The following SSTR3 variants were observed in gnomAD, a reference collection of about 807,000 sequenced individuals.
SSTR3 encodes somatostatin receptor type 3.
For synonymous variants in SSTR3, 281 were observed against 269.2 expected, an observed-to-expected ratio of 1.04 and a Z score of -0.43; for missense variants, 504 against 604.7, an observed-to-expected ratio of 0.83 and a Z score of 1.75.
chr22:37,213,831 C>G (rs146500691), upstream of SSTR3, among the ~76,000 whole-genome samples: 40 of 152,342 alleles, frequency 2.6e-4, no homozygotes, highest in Middle Eastern at 3.4e-3. Context: ...GCCGCCTGCG[C>G]GGGCCTCCTC....
At chr22:37,209,367 C>T (rs569937229) in intron 1 of SSTR3, among the ~76,000 whole-genome samples, 1 of 152,328 alleles carries the variant, frequency 6.6e-6, no homozygotes, top group African/African-American at 2.4e-5. Flanking sequence ...CGTGGCTTCT[C>T]CAGCTGGCTG....
chr22:37,213,437 C>A (rs75923615), upstream of SSTR3, among the ~76,000 whole-genome samples: 15,650 of 152,320 alleles, frequency 0.1, 1,007 homozygotes, highest in South Asian at 0.21. Flanking sequence ...TGGGCCATTC[C>A]CTGGGACCAG....
upstream of SSTR3, among the ~76,000 whole-genome samples, chr22:37,214,628 T>C (rs1332908128): frequency 6.6e-6 from 1 of 152,050 alleles, no homozygotes; most frequent in African/African-American, 2.4e-5. Flanking sequence ...CCTAAGACAG[T>C]AAAGAAGGGT....
chr22:37,217,551 C>G, the SSTR3 span, among the ~76,000 whole-genome samples: 1 of 151,966 alleles, frequency 6.6e-6, no homozygotes, highest in Non-Finnish European at 1.5e-5. Flanking sequence ...CTTTATTCTT[C>G]TTGTTGCTCA....
At chr22:37,213,428 G>A (rs1926301266), upstream of SSTR3, among the ~76,000 whole-genome samples, 1 of 152,212 alleles carries the variant, frequency 6.6e-6, no homozygotes, top group Non-Finnish European at 1.5e-5. Flanking sequence ...TTTCCAAACT[G>A]GGCCATTCCC....
upstream of SSTR3, among the ~76,000 whole-genome samples, chr22:37,216,592 G>T (rs185338738): frequency 6.6e-6 from 1 of 152,214 alleles, no homozygotes; most frequent in Admixed American, 6.5e-5. Context: ...CCTCAGGGAC[G>T]ATTTCGTCCT....
In SSTR3 at chr22:37,206,904, C is replaced by T. The variant is rs552460545; in HGVS notation, c.900G>A (p.Ala300=). 3.8e-5 allele frequency: 62 copies of T among 1,613,566 alleles called. No homozygotes were observed. The Admixed American group carries it at 7.8e-4, about 20-fold the overall frequency. Residue 300 remains alanine (A), a synonymous_variant, in exon 2 of 2, where the codon GCG becomes GCA. Transcript: ENST00000610913. ...TGGCACAGCTGTTGGCATAGGGCAG[C>T]GCCACCACCAGGAAGTAGAGCCCAA... The part of the protein sequence containing the change: ...AFFGLYFLVV[A]LPYANSCANP...
Position 37,206,504 on chromosome 22 carries a change from GC to G in SSTR3, c.*42del. 1 of 1,556,338 alleles carries G rather than the reference GC, an allele frequency of 6.4e-7. No individual in the cohort carries two copies. The highest frequency in any genetic ancestry group is 2.3e-5 in the East Asian group (1 of 44,410). On this transcript the variant is annotated 3_prime_UTR_variant, in exon 2 of 2. Coordinates refer to ENST00000610913, the MANE Select transcript of SSTR3 (RefSeq NM_001051.5). ...GAAGTAGGCCCTAGGCACACCCACGGCTTCTGCCTCTTCCTCGGGCCATCCT... is the reference window on the plus strand; with the variant it reads ...GAAGTAGGCCCTAGGCACACCCACGGTTCTGCCTCTTCCTCGGGCCATCCT...
intron 1 of SSTR3, among the ~76,000 whole-genome samples, chr22:37,210,174 G>A (rs973968177): frequency 6.6e-6 from 1 of 152,200 alleles, no homozygotes; most frequent in African/African-American, 2.4e-5. Context: ...AGATGAGGGA[G>A]GGGAGCACCA....
At chr22:37,218,503 G>A in the SSTR3 span, among the ~76,000 whole-genome samples, 9 of 152,126 alleles carry the variant, frequency 5.9e-5, no homozygotes. Context: ...TGTCATCCCA[G>A]TAGCCACAGC....
At chr22:37,218,963 A>G in the SSTR3 span, among the ~76,000 whole-genome samples, 4 of 152,022 alleles carry the variant, frequency 2.6e-5, no homozygotes, top group Admixed American at 6.6e-5. Flanking sequence ...TCTGTCTCCA[A>G]AGCCCCTACT....
At position 37,212,224 on chromosome 22, in the gene SSTR3, AAAGAGGGAGGGGGAGAGAGAGAGAGGG is replaced by A; in HGVS notation, c.-463_-437del. 2 of 845,150 alleles carry A rather than the reference AAAGAGGGAGGGGGAGAGAGAGAGAGGG, an allele frequency of 2.4e-6. No homozygotes were observed. Among genetic ancestry groups the A allele is most frequent in the Non-Finnish European group, 1.4e-6 (1 of 703,884 alleles). The allele number at this position is 845,150 out of a possible 1,614,324, so 52.4% of individuals were successfully genotyped here. ...GAGGTGGAGAAAGAGAGAGAGAGAG[AAAGAGGGAGGGGGAGAGAGAGAGAGGG>A]AGAGGGAGAGGAGACCGTGAGTAGG... On this transcript the variant is annotated 5_prime_UTR_variant, in exon 1 of 2. Transcript: ENST00000610913.
Position 37,207,355 on chromosome 22 carries a change from C to T in SSTR3, c.449G>A (p.Arg150His), listed in dbSNP as rs763363171. The T allele has an allele frequency of 1.2e-6, 2 of 1,607,714 alleles. No individual in the cohort carries two copies. Among genetic ancestry groups the T allele is most frequent in the Non-Finnish European group, 8.5e-7 (1 of 1,176,702 alleles). Residue 150 changes from arginine to histidine, a missense_variant, in exon 2 of 2, where the codon CGC becomes CAC. Transcript: ENST00000610913. ...CGGAGCTGTGCGCCAGCGGGCCGAG[C>T]GGGTGGGATGTACCACGGCCAGGTA... Reference protein sequence around the residue: ...DRYLAVVHPTRSARWRTAPVA... With the variant: ...DRYLAVVHPTHSARWRTAPVA...
chr22:37,218,427 T>C, the SSTR3 span, among the ~76,000 whole-genome samples: 11 of 152,234 alleles, frequency 7.2e-5, no homozygotes, highest in East Asian at 1.9e-3. Context: ...TGGTGGCGCA[T>C]GCCTGTAATC....
chr22:37,214,278 G>C (rs1926343007), upstream of SSTR3, among the ~76,000 whole-genome samples: 1 of 152,162 alleles, frequency 6.6e-6, no homozygotes, highest in Non-Finnish European at 1.5e-5. Flanking sequence ...TGCAGAAAGG[G>C]GGCTCTGACC....
At chr22:37,219,132 T>G in the SSTR3 span, among the ~76,000 whole-genome samples, 1 of 152,228 alleles carries the variant, frequency 6.6e-6, no homozygotes. Context: ...TTCTGTTTCT[T>G]GTTCTCCTTC....
At position 37,206,890 on chromosome 22, in the gene SSTR3, T is replaced by C; in HGVS notation, c.914A>G (p.Asn305Ser). The change falls in exon 2 of 2, where the codon AAC becomes AGC. Residue 305 changes from asparagine (N) to serine (S), a missense_variant. Physicochemically the swap from Asn to Ser is conservative, Grantham distance 46 (BLOSUM62 1). Coordinates refer to ENST00000610913, the MANE Select transcript of SSTR3 (RefSeq NM_001051.5). Reference sequence around the variant, plus strand: ...ATAAAGGATGGGGTTGGCACAGCTGTTGGCATAGGGCAGCGCCACCACCAG... The same window carrying C: ...ATAAAGGATGGGGTTGGCACAGCTGCTGGCATAGGGCAGCGCCACCACCAG... ...YFLVVALPYA[N>S]SCANPILYGF... 1 of 1,613,532 alleles carries C rather than the reference T, an allele frequency of 6.2e-7. No homozygotes were observed. Among genetic ancestry groups the C allele is most frequent in the East Asian group, 2.2e-5 (1 of 44,874 alleles).
chr22:37,214,393 A>G (rs1926347897), upstream of SSTR3, among the ~76,000 whole-genome samples: 1 of 152,230 alleles, frequency 6.6e-6, no homozygotes, highest in Non-Finnish European at 1.5e-5. Context: ...TCGAGGCCAA[A>G]AGAAATCTGT....
At chr22:37,209,694 T>C (rs778669632) in intron 1 of SSTR3, among the ~76,000 whole-genome samples, 9 of 152,138 alleles carry the variant, frequency 5.9e-5, no homozygotes, top group Non-Finnish European at 1.2e-4. Flanking sequence ...AAACGTGAGG[T>C]CACATGTTCT....
Sources: allele counts gnomAD v4.1 joint callset (sites outside exome capture counted in the v4.1 genomes callset), GRCh38; gene constraint gnomAD v4.1.1; transcripts MANE v1.5; gene names NCBI Gene and HGNC (gene_info 2026-07-23, HGNC 2026-07-21).